ARHGAP6: variants seen among roughly 807,000 people sequenced by gnomAD.
ARHGAP6 encodes Rho GTPase activating protein 6, also known as rho GTPase-activating protein 6.
ARHGAP6 carries 16 observed loss-of-function variants against 55.7 expected under a neutral mutation model. That is an observed-to-expected ratio of 0.29 (90% CI 0.19 to 0.44). ARHGAP6 has a LOEUF of 0.44. ARHGAP6 is among the 20% of genes least tolerant of loss of function. ARHGAP6 has a pLI of 1.00. For synonymous variants in ARHGAP6, 382 were observed against 360.9 expected (o/e 1.06, Z -0.66); for missense variants, 698 against 808.9 (o/e 0.86, Z 1.66).
chrX:11,147,440 G>A lies in ARHGAP6; in HGVS notation c.1908-3192C>T, dbSNP rs945579452. 5.3e-5 allele frequency among the ~76,000 whole-genome samples: 6 copies of A among 112,669 alleles called. No individual in the cohort carries two copies. The Admixed American group carries it at 5.6e-4, about 11-fold the overall frequency. ...ATTGCTGAATGGAGGCTGGAGTCCG[G>A]AGAAATTTCCAGAGACTTGGAAGCA... is the stretch of plus-strand genomic sequence containing the variant. On this transcript the variant is annotated intron_variant, in intron 10 of 12. Transcript: ENST00000337414.
intron 1 of ARHGAP6, among the ~76,000 whole-genome samples, chrX:11,350,004 G>T (rs761350133): frequency 4.1e-4 from 46 of 111,630 alleles, no homozygotes; most frequent in Non-Finnish European, 7.0e-4. Flanking sequence ...GCCTTACAAG[G>T]TGGTTGTGAG....
At position 11,168,771 on chromosome X, in the gene ARHGAP6, T is replaced by C. The variant is rs183159847; in HGVS notation, c.1809+734A>G. ...AGTGGTGAACAGAAATAGAAGAGAG[T>C]TGGCATTTGTTTTAATGTTTCAAGG... On this transcript the variant is annotated intron_variant, in intron 9 of 12. Transcript: ENST00000337414. Among the ~76,000 whole-genome samples the C allele has an allele frequency of 3.2e-3, 361 of 111,538 alleles. 4 individuals are homozygous for C. The highest frequency in any genetic ancestry group is 0.011 in the African/African-American group (350 of 30,694).
At chrX:11,476,608 A>G (rs1316548880) in intron 1 of ARHGAP6, among the ~76,000 whole-genome samples, 2 of 111,256 alleles carry the variant, frequency 1.8e-5, no homozygotes, top group African/African-American at 6.5e-5. Context: ...ACAGTGAAAG[A>G]CAGGATGATA....
rs1569410678 is a variant in ARHGAP6 at position 11,590,781 on chromosome X, GA to G, written c.588+73459del. On this transcript the variant is annotated intron_variant, in intron 1 of 12. Coordinates refer to ENST00000337414, the MANE Select transcript of ARHGAP6 (RefSeq NM_013427.3). Reference sequence around the variant, plus strand: ...ACAGAGTGAGACTCCATCTCGAAAAGAAAAGAAAAGAAAAGAAAAGAAAAGA... The same window carrying G: ...ACAGAGTGAGACTCCATCTCGAAAAGAAAGAAAAGAAAAGAAAAGAAAAGA... Among the ~76,000 whole-genome samples, 34 of 13,194 alleles carry G rather than the reference GA, an allele frequency of 2.6e-3. 3 individuals carry two copies. The highest frequency in any genetic ancestry group is 0.012 in the African/African-American group (26 of 2,206). The allele number at this position is 13,194 out of a possible 115,157, so 11.5% of individuals were successfully genotyped here.
Position 11,567,770 on chromosome X carries a change from G to A in ARHGAP6, c.588+96471C>T, listed in dbSNP as rs749912659. Among the ~76,000 whole-genome samples, 30 of 109,294 alleles carry A rather than the reference G, an allele frequency of 2.7e-4. 1 individual carries two copies. In the South Asian group the frequency reaches 4.4e-3, roughly 16 times the overall value. 94.9% of individuals were successfully genotyped at this position (109,294 alleles called of 115,157 possible). On this transcript the variant is annotated intron_variant, in intron 1 of 12. Transcript: ENST00000337414. ...TGCAGCCTCGAATTCCTGGACTGAG[G>A]CGACCCTCCATTCTCAGCCTCCTGA...
intron 1 of ARHGAP6, among the ~76,000 whole-genome samples, chrX:11,479,587 A>G (rs1265338294): frequency 1.8e-5 from 2 of 111,930 alleles, no homozygotes; most frequent in Admixed American, 9.5e-5. Context: ...CCCCATGCTC[A>G]GAAGGGCTCT....
chrX:11,530,700 T>C (rs1016687130), intron 1 of ARHGAP6, among the ~76,000 whole-genome samples: 3 of 111,609 alleles, frequency 2.7e-5, no homozygotes, highest in Non-Finnish European at 5.6e-5. Context: ...TCCTTGAGCA[T>C]GAGCCATGTG....
chrX:11,627,089 T>C (rs749945186), intron 1 of ARHGAP6, among the ~76,000 whole-genome samples: 1 of 111,889 alleles, frequency 8.9e-6, no homozygotes, highest in African/African-American at 3.2e-5. Context: ...CTAAGGTTCC[T>C]AGGAATACAT....
intron 2 of ARHGAP6, among the ~76,000 whole-genome samples, chrX:11,215,463 G>A (rs2046868523): frequency 8.8e-6 from 1 of 113,254 alleles, no homozygotes; most frequent in Admixed American, 9.2e-5. Context: ...AGGAGGGGAT[G>A]CTGACATATT....
rs188927876 is a variant in ARHGAP6 at position 11,360,227 on chromosome X, C to T, written c.589-105520G>A. On this transcript the variant is annotated intron_variant, in intron 1 of 12. Transcript: ENST00000337414. ...AACAAAGAGAATTTTAGACCAATAT[C>T]CCTGATGAACATTGATGCAAAAATC... Among the ~76,000 whole-genome samples the T allele has an allele frequency of 4.3e-3, 482 of 111,920 alleles. 2 individuals carry two copies. The highest frequency in any genetic ancestry group is 7.0e-3 in the Non-Finnish European group (373 of 53,182).
At chrX:11,371,667 T>C (rs1393684077) in intron 1 of ARHGAP6, among the ~76,000 whole-genome samples, 6 of 112,551 alleles carry the variant, frequency 5.3e-5, no homozygotes, top group Non-Finnish European at 1.1e-4. Context: ...ATTAATCAAA[T>C]ATTATTTATG....
At chrX:11,585,441 T>C (rs1476022807) in intron 1 of ARHGAP6, among the ~76,000 whole-genome samples, 1 of 112,287 alleles carries the variant, frequency 8.9e-6, no homozygotes, top group Non-Finnish European at 1.9e-5. Context: ...ACAGTGCTTG[T>C]TATTTTTTGA....
At chrX:11,243,666 T>A (rs1449705412) in intron 2 of ARHGAP6, among the ~76,000 whole-genome samples, 1 of 112,510 alleles carries the variant, frequency 8.9e-6, no homozygotes, top group African/African-American at 3.2e-5. Context: ...TGCAGTCATG[T>A]GCCACATAAC....
chrX:11,354,807 T>C (rs983597091), intron 1 of ARHGAP6, among the ~76,000 whole-genome samples: 13 of 111,533 alleles, frequency 1.2e-4, no homozygotes, highest in African/African-American at 4.2e-4. Context: ...AGGTACCTGG[T>C]CCCATCTTGT....
At chrX:11,351,300 T>C (rs2048860864) in intron 1 of ARHGAP6, 1 of 892,215 alleles carries the variant, frequency 1.1e-6, no homozygotes, top group Admixed American at 4.3e-5. Flanking sequence ...TCTAATATAT[T>C]TGTGCCTGGA....
chrX:11,664,098 G>T, intron 1 of ARHGAP6, 143 bp downstream of exon 1: 5 of 576,824 alleles, frequency 8.7e-6, no homozygotes, highest in Non-Finnish European at 1.1e-5. Context: ...GCACCATTTA[G>T]CAAGTAGAAG....
chrX:11,153,722 T>C (rs1184544332), intron 10 of ARHGAP6, among the ~76,000 whole-genome samples: 1 of 110,101 alleles, frequency 9.1e-6, no homozygotes, highest in Non-Finnish European at 1.9e-5. Flanking sequence ...AACACTTTCT[T>C]CTCCTAAGTA....
intron 2 of ARHGAP6, among the ~76,000 whole-genome samples, chrX:11,197,890 T>C (rs945994398): frequency 9.8e-5 from 11 of 111,689 alleles, no homozygotes; most frequent in African/African-American, 3.3e-4. Context: ...GCTGTCAACT[T>C]AGCATGTGGG....
At chrX:11,354,325 CTCTATATA>C (rs1289635052) in intron 1 of ARHGAP6, among the ~76,000 whole-genome samples, 95 of 47,555 alleles carry the variant, frequency 2.0e-3, no homozygotes, top group Middle Eastern at 0.013. Context: ...CTCTCTCTCT[CTCTATATA>C]TATATATATA....
Sources: gnomAD v4.1 joint callset for allele counts (sites outside exome capture counted in the v4.1 genomes callset) on GRCh38, gnomAD v4.1.1 for gene constraint, MANE v1.5 for transcripts, NCBI Gene and HGNC (gene_info 2026-07-23, HGNC 2026-07-21) for gene names.